The following CCSER1 variants were observed in gnomAD, a reference collection of about 807,000 sequenced individuals.
The protein encoded by CCSER1 is serine-rich coiled-coil domain-containing protein 1.
CCSER1 carries 41 observed loss-of-function variants against 82.0 expected under a neutral mutation model. The ratio of observed to expected loss-of-function variants is 0.50; its 90% CI spans 0.39 to 0.65. CCSER1 has a LOEUF of 0.65. CCSER1 is among the 30% of genes least tolerant of loss of function. The pLI is 0.00. For missense variants in CCSER1, 1,119 were observed against 1,064.2 expected, an observed-to-expected ratio of 1.05 and a Z score of -0.72; for synonymous variants, 414 against 383.9, an observed-to-expected ratio of 1.08 and a Z score of -0.92.
rs1056400185 is a variant in CCSER1 at position 90,169,690 on chromosome 4, C to T, written c.-42+41859C>T. Among the ~76,000 whole-genome samples, 58 of 152,016 alleles carry T rather than the reference C, an allele frequency of 3.8e-4. 2 individuals carry two copies. Among genetic ancestry groups the T allele is most frequent in the Admixed American group, 2.9e-3 (44 of 15,224 alleles). On this transcript the variant is annotated intron_variant, in intron 1 of 10. Coordinates refer to ENST00000509176, the MANE Select transcript of CCSER1 (RefSeq NM_001145065.2). ...TAAAGGTCTCTCTGTACCACAAAAA[C>T]GGTTTTATTGTGGAGCATATGAACA...
intron 5 of CCSER1, among the ~76,000 whole-genome samples, chr4:90,505,623 C>T (rs551275920): frequency 9.2e-5 from 14 of 152,222 alleles, no homozygotes; most frequent in South Asian, 2.1e-4. Context: ...GTTTTGGAAA[C>T]GGACAGGGCA....
At chr4:91,083,673 T>A (rs1280331722) in intron 9 of CCSER1, among the ~76,000 whole-genome samples, 1 of 151,764 alleles carries the variant, frequency 6.6e-6, no homozygotes, top group African/African-American at 2.4e-5. Context: ...TAAAATAATA[T>A]CAAAATTAAA....
chr4:91,466,145 C>T (rs1756890541), intron 10 of CCSER1, among the ~76,000 whole-genome samples: 1 of 152,154 alleles, frequency 6.6e-6, no homozygotes, highest in African/African-American at 2.4e-5. Flanking sequence ...CGTCAAAAAG[C>T]TTATCCATTA....
chr4:90,707,152 GTTCA>G (rs1016320992), intron 6 of CCSER1, among the ~76,000 whole-genome samples: 2 of 151,894 alleles, frequency 1.3e-5, no homozygotes, highest in African/African-American at 4.8e-5. Context: ...CCTCACTCAT[GTTCA>G]TTATTTCCAA....
chr4:90,709,056 A>C (rs1739976916), intron 6 of CCSER1, among the ~76,000 whole-genome samples: 1 of 152,174 alleles, frequency 6.6e-6, no homozygotes, highest in African/African-American at 2.4e-5. Context: ...TCACAACATT[A>C]TACAGAAAAA....
intron 9 of CCSER1, among the ~76,000 whole-genome samples, chr4:90,946,117 CAATTAA>C (rs1371643475): frequency 6.6e-6 from 1 of 152,044 alleles, no homozygotes; most frequent in Non-Finnish European, 1.5e-5. Flanking sequence ...TTTATAATTA[CAATTAA>C]GAGTGACACT....
At chr4:91,553,568 G>A (rs1248232541) in intron 10 of CCSER1, among the ~76,000 whole-genome samples, 5 of 79,414 alleles carry the variant, frequency 6.3e-5, no homozygotes, top group African/African-American at 3.5e-4. Context: ...CCTTACTTAC[G>A]GGAATTTTTT....
intron 1 of CCSER1, among the ~76,000 whole-genome samples, chr4:90,221,613 A>G (rs1366683741): frequency 6.6e-6 from 1 of 152,170 alleles, no homozygotes; most frequent in Non-Finnish European, 1.5e-5. Context: ...ATCACTATTA[A>G]AATACAAATT....
chr4:91,097,055 G>T (rs1724580952), intron 10 of CCSER1, among the ~76,000 whole-genome samples: 1 of 152,120 alleles, frequency 6.6e-6, no homozygotes, highest in Non-Finnish European at 1.5e-5. Context: ...CAAGTGCCAG[G>T]TCCTTCCCAG....
intron 9 of CCSER1, among the ~76,000 whole-genome samples, chr4:90,951,580 TG>T (rs1401784998): frequency 1.3e-5 from 2 of 152,126 alleles, no homozygotes; most frequent in Non-Finnish European, 2.9e-5. Flanking sequence ...CACAAGGTTT[TG>T]TCAGAAGTCC....
chr4:90,811,354 G>A (rs1018524757), intron 7 of CCSER1, among the ~76,000 whole-genome samples: 5 of 152,142 alleles, frequency 3.3e-5, no homozygotes, highest in Admixed American at 3.3e-4. Context: ...TTAATGAAGG[G>A]TACAATACAC....
At chr4:91,513,087 TG>T (rs1472579295) in intron 10 of CCSER1, among the ~76,000 whole-genome samples, 1 of 152,184 alleles carries the variant, frequency 6.6e-6, no homozygotes, top group Non-Finnish European at 1.5e-5. Flanking sequence ...TTAAATATAC[TG>T]GCTGTGCATT....
At chr4:91,455,470 T>TCTTCTGA (rs1756110225) in intron 10 of CCSER1, among the ~76,000 whole-genome samples, 1 of 152,026 alleles carries the variant, frequency 6.6e-6, no homozygotes, top group African/African-American at 2.4e-5. Flanking sequence ...TGTTCTTGCT[T>TCTTCTGA]CTTCTGACAT....
intron 5 of CCSER1, among the ~76,000 whole-genome samples, chr4:90,623,687 C>A (rs186826651): frequency 6.6e-6 from 1 of 152,160 alleles, no homozygotes; most frequent in African/African-American, 2.4e-5. Context: ...ATGCTGATTG[C>A]ATCTCTTCTG....
chr4:90,471,942 A>G (rs917774745), intron 5 of CCSER1, among the ~76,000 whole-genome samples: 2 of 151,940 alleles, frequency 1.3e-5, no homozygotes, highest in African/African-American at 4.8e-5. Flanking sequence ...GTGTCACTGC[A>G]CTCCAGTCTG....
At chr4:90,839,478 A>T (rs1358798710) in intron 8 of CCSER1, among the ~76,000 whole-genome samples, 1 of 152,214 alleles carries the variant, frequency 6.6e-6, no homozygotes, top group Non-Finnish European at 1.5e-5. Flanking sequence ...GCATATGCCA[A>T]CTGAACTTGC....
chr4:90,911,338 T>C (rs917986606), intron 8 of CCSER1: 1 of 456,278 alleles, frequency 2.2e-6, no homozygotes, highest in Non-Finnish European at 4.4e-6. Flanking sequence ...TCTTCAGTGA[T>C]ATGCATGCCC....
rs965891621 is a variant in CCSER1, at chr4:91,280,901, G to A, written c.2217+194907G>A. 5.3e-5 allele frequency among the ~76,000 whole-genome samples: 8 copies of A among 152,216 alleles called. No homozygotes were observed. In the East Asian group the frequency reaches 5.8e-4, roughly 11 times the overall value. ...CAGGGAAGGATGCAGTTGGTGGGTC[G>A]TTAGGCTCTCAAAATGGTGTGGTGC... is the stretch of plus-strand genomic sequence containing the variant. On this transcript the variant is annotated intron_variant, in intron 10 of 10. Transcript: ENST00000509176.
At chr4:90,337,320 C>T (rs576128754) in intron 3 of CCSER1, among the ~76,000 whole-genome samples, 5 of 152,214 alleles carry the variant, frequency 3.3e-5, no homozygotes, top group Non-Finnish European at 5.9e-5. Flanking sequence ...GCAGACTGCT[C>T]GGAGAAGGGG....
Sources: allele counts gnomAD v4.1 joint callset (sites outside exome capture counted in the v4.1 genomes callset), GRCh38; gene constraint gnomAD v4.1.1; transcripts MANE v1.5; gene names NCBI Gene and HGNC (gene_info 2026-07-23, HGNC 2026-07-21).